G2E3: variants seen among roughly 807,000 people sequenced by gnomAD.
The protein encoded by G2E3 is G2/M phase-specific E3 ubiquitin-protein ligase.
Under a neutral mutation model 92.8 loss-of-function variants are expected in G2E3, and 35 were observed. The ratio of observed to expected loss-of-function variants is 0.38; its 90% CI spans 0.29 to 0.50. The LOEUF (loss-of-function observed/expected upper bound fraction) is 0.50. Among genes scored for constraint, G2E3 ranks in the 20% least tolerant of loss-of-function variants. The pLI is 0.94. For synonymous variants in G2E3, 242 were observed against 272.4 expected, an observed-to-expected ratio of 0.89 and a Z score of 1.10; for missense variants, 554 against 823.8, an observed-to-expected ratio of 0.67 and a Z score of 4.01.
chr14:30,615,812 A>G (rs1410617881), intron 14 of G2E3, among the ~76,000 whole-genome samples: 2 of 152,138 alleles, frequency 1.3e-5, no homozygotes, highest in Admixed American at 1.3e-4. Flanking sequence ...TTGTCACCGC[A>G]TAGAACAGTT....
At chr14:30,595,716 C>T (rs151007162) in intron 6 of G2E3, among the ~76,000 whole-genome samples, 1 of 152,154 alleles carries the variant, frequency 6.6e-6, no homozygotes, top group Admixed American at 6.5e-5. Flanking sequence ...CTTTTGTACT[C>T]TGGTATCGGT....
At chr14:30,591,282 C>A (rs569376218) in intron 4 of G2E3, among the ~76,000 whole-genome samples, 22 of 152,182 alleles carry the variant, frequency 1.4e-4, no homozygotes, top group Admixed American at 1.1e-3. Context: ...GAATCAGTGA[C>A]CATTTTAATT....
At chr14:30,610,294 C>T (rs897814893) in intron 12 of G2E3, among the ~76,000 whole-genome samples, 1 of 152,086 alleles carries the variant, frequency 6.6e-6, no homozygotes, top group Non-Finnish European at 1.5e-5. Flanking sequence ...TATGCCATCA[C>T]GTAGTAAAAT....
rs1317149323 is a variant in G2E3 at position 30,608,005 on chromosome 14, C to G, written c.1436C>G (p.Pro479Arg). Residue 479 changes from proline to arginine, a missense_variant, in exon 12 of 15, where the codon CCA (proline) becomes CGA (arginine). By Grantham distance (103) the Pro-to-Arg change is moderately radical. Around this residue, in one of 3 missense-constraint regions of G2E3, gnomAD observed 397 missense variants for 560.3 expected, o/e 0.71. Coordinates refer to ENST00000206595, the MANE Select transcript of G2E3 (RefSeq NM_017769.5). Reference protein sequence around the residue: ...KTLFNCLVYGPENTQPILDDV... With the variant: ...KTLFNCLVYGRENTQPILDDV... Reference sequence around the variant, plus strand: ...TTGTTTAACTGCCTTGTTTATGGACCAGAAAATACCCAGCCAATTTTAGAT... The same window carrying G: ...TTGTTTAACTGCCTTGTTTATGGACGAGAAAATACCCAGCCAATTTTAGAT... The G allele has an allele frequency of 6.2e-7, 1 of 1,604,564 alleles. No individual in the cohort carries two copies. Among genetic ancestry groups the G allele is most frequent in the East Asian group, 2.2e-5 (1 of 44,448 alleles).
intron 2 of G2E3, 128 bp downstream of exon 2, chr14:30,581,244 A>G (rs1185457156): frequency 3.4e-6 from 2 of 587,548 alleles, no homozygotes; most frequent in East Asian, 6.0e-5. Context: ...ACTAAAGTAT[A>G]ATATTGCATA....
intron 3 of G2E3, among the ~76,000 whole-genome samples, chr14:30,587,881 C>T (rs1430862182): frequency 6.6e-6 from 1 of 152,242 alleles, no homozygotes; most frequent in Non-Finnish European, 1.5e-5. Flanking sequence ...AGAAACAAAT[C>T]ATTAAGTCTA....
chr14:30,587,407 A>G (rs989423678), intron 3 of G2E3, among the ~76,000 whole-genome samples: 3 of 152,010 alleles, frequency 2.0e-5, no homozygotes, highest in Admixed American at 1.3e-4. Context: ...GCACATTACC[A>G]CCTTAGCATG....
At chr14:30,560,788 C>G (rs755045418) in intron 1 of G2E3, 3 of 702,120 alleles carry the variant, frequency 4.3e-6, no homozygotes, top group Non-Finnish European at 7.8e-6. Flanking sequence ...ATCTCAGATT[C>G]TGAATCAGTA....
intron 14 of G2E3, 30 bp from the exon 15 acceptor site, chr14:30,616,248 T>C (rs1221203259): frequency 1.4e-6 from 2 of 1,465,376 alleles, no homozygotes; most frequent in Non-Finnish European, 9.5e-7. Context: ...CTTTTGTTTC[T>C]TTTACTCTTT....
intron 2 of G2E3, among the ~76,000 whole-genome samples, chr14:30,586,206 A>C (rs1348287178): frequency 6.6e-6 from 1 of 152,196 alleles, no homozygotes; most frequent in Admixed American, 6.5e-5. Flanking sequence ...TTTTTTAAAG[A>C]ACAAGGTCCA....
chr14:30,563,199 A>G (rs1416599210), intron 1 of G2E3, among the ~76,000 whole-genome samples: 1 of 151,788 alleles, frequency 6.6e-6, no homozygotes, highest in East Asian at 1.9e-4. Flanking sequence ...GTTAGATGTA[A>G]TAAAAAGTAT....
At chr14:30,572,241 T>C (rs1184087285) in intron 1 of G2E3, among the ~76,000 whole-genome samples, 1 of 152,130 alleles carries the variant, frequency 6.6e-6, no homozygotes, top group African/African-American at 2.4e-5. Flanking sequence ...GTTGGTAGGA[T>C]TTTCTATGTA....
At chr14:30,597,702 T>G (rs72666421) in intron 7 of G2E3, among the ~76,000 whole-genome samples, 176 bp downstream of exon 7, 2 of 152,340 alleles carry the variant, frequency 1.3e-5, no homozygotes, top group African/African-American at 2.4e-5. Flanking sequence ...GCAGGGACTG[T>G]GTCATAAATG....
At chr14:30,574,541 C>T (rs957596092) in intron 1 of G2E3, 1 of 151,708 alleles carries the variant, frequency 6.6e-6, no homozygotes, top group Non-Finnish European at 1.5e-5. Flanking sequence ...GCCCAATAGC[C>T]AATAGTTATC....
At chr14:30,615,616 GT>G (rs1386806294) in intron 14 of G2E3, 77 bp downstream of exon 14, 2 of 923,300 alleles carry the variant, frequency 2.2e-6, no homozygotes, top group Admixed American at 2.8e-5. Context: ...TTTTATTTGT[GT>G]ATGTTTTGCC....
chr14:30,589,354 T>A (rs375678714), intron 3 of G2E3, 29 bp from the exon 4 acceptor site: 124 of 1,274,394 alleles, frequency 9.7e-5, no homozygotes, highest in Middle Eastern at 3.7e-4. Flanking sequence ...TTCTTAGAGT[T>A]TATTTTCTAA....
intron 8 of G2E3, 48 bp downstream of exon 8, chr14:30,598,647 TCTG>T (rs1881408880): frequency 8.7e-7 from 1 of 1,151,240 alleles, no homozygotes; most frequent in Non-Finnish European, 1.3e-6. Context: ...GTTTAAACCT[TCTG>T]CTGAGAAAGT....
intron 1 of G2E3, among the ~76,000 whole-genome samples, chr14:30,572,733 T>A (rs959166357): frequency 6.6e-6 from 1 of 152,156 alleles, no homozygotes; most frequent in South Asian, 2.1e-4. Flanking sequence ...TTTTTTTTAA[T>A]TAAAAGAAAA....
chr14:30,594,212 T>G (rs767503542), intron 6 of G2E3, among the ~76,000 whole-genome samples: 3 of 152,216 alleles, frequency 2.0e-5, no homozygotes, highest in Admixed American at 6.5e-5. Flanking sequence ...AATAATTCTT[T>G]GATTCTGAAA....
Sources: allele counts gnomAD v4.1 joint callset (sites outside exome capture counted in the v4.1 genomes callset), GRCh38; gene constraint gnomAD v4.1.1; regional missense constraint gnomAD v4.1.1; transcripts MANE v1.5; gene names NCBI Gene and HGNC (gene_info 2026-07-23, HGNC 2026-07-21).